The following FAT1 variants were observed in gnomAD, a reference collection of about 807,000 sequenced individuals.
FAT1 encodes the protein FAT atypical cadherin 1, also known as protocadherin Fat 1.
FAT1 carries 171 observed loss-of-function variants against 329.8 expected under a neutral mutation model. That is an observed-to-expected ratio of 0.52 (90% CI 0.46 to 0.59). The LOEUF (loss-of-function observed/expected upper bound fraction) is 0.59, where lower values mean the gene tolerates loss of function less well. Ranked by LOEUF, FAT1 falls within the 20% of genes least tolerant of loss-of-function variation. The pLI is 0.00. For synonymous variants in FAT1, 2,233 were observed against 2,228.6 expected (o/e 1.00, Z -0.06); for missense variants, 5,672 against 5,774.4 (o/e 0.98, Z 0.57).
chr4:186,717,661 T>C (rs79087796), intron 1 of FAT1, among the ~76,000 whole-genome samples: 4,655 of 152,270 alleles, frequency 0.031, 235 homozygotes, highest in African/African-American at 0.11. Flanking sequence ...ACAGCCTCTA[T>C]ATAAAACCTA....
intron 3 of FAT1, among the ~76,000 whole-genome samples, chr4:186,656,932 T>A (rs1560970906): frequency 6.6e-6 from 1 of 152,056 alleles, no homozygotes; most frequent in African/African-American, 2.4e-5. Flanking sequence ...TAGCTGACCT[T>A]CCACTTCTAG....
chr4:186,686,243 C>CCA (rs1560991946), intron 2 of FAT1, among the ~76,000 whole-genome samples: 1 of 147,690 alleles, frequency 6.8e-6, no homozygotes, highest in East Asian at 2.0e-4. Context: ...TTTTCACCCC[C>CCA]CCCCGACATT....
At chr4:186,699,155 ATGC>A (rs1744178493) in intron 2 of FAT1, among the ~76,000 whole-genome samples, 1 of 152,240 alleles carries the variant, frequency 6.6e-6, no homozygotes, top group East Asian at 1.9e-4. Flanking sequence ...CTATAATTAC[ATGC>A]TGATGATGAT....
rs767601213 is a variant in FAT1, at chr4:186,709,722, G to A, written c.106C>T (p.His36Tyr). The stretch of plus-strand genomic sequence containing the variant: ...TGCACGGTGACGTTGTACTCGAGGT[G>A]TGTAAACTGCAGAGGAGTCTGTTCA... ...RLEQTPLQFTHLEYNVTVQEN... is the reference protein window; with the variant it reads ...RLEQTPLQFTYLEYNVTVQEN... The change falls in exon 2 of 27, where the codon CAC becomes TAC. Residue 36 changes from histidine to tyrosine, a missense_variant. Transcript: ENST00000441802. 2 of 1,613,922 alleles carry A rather than the reference G, an allele frequency of 1.2e-6. No individual in the cohort carries two copies. The highest frequency in any genetic ancestry group is 1.1e-5 in the South Asian group (1 of 91,062).
At chr4:186,715,288 A>T (rs1745160811) in intron 1 of FAT1, among the ~76,000 whole-genome samples, 1 of 143,672 alleles carries the variant, frequency 7.0e-6, no homozygotes, top group Non-Finnish European at 1.5e-5. Context: ...CTGGATTCCC[A>T]AACATGCAAT....
chr4:186,705,338 C>G (rs775569324), intron 2 of FAT1, among the ~76,000 whole-genome samples: 1 of 151,564 alleles, frequency 6.6e-6, no homozygotes, highest in Non-Finnish European at 1.5e-5. Context: ...ACTGAAGACT[C>G]TCTTGTTTTT....
intron 2 of FAT1, among the ~76,000 whole-genome samples, chr4:186,690,388 T>C (rs567215899): frequency 2.6e-5 from 4 of 152,290 alleles, no homozygotes; most frequent in African/African-American, 9.6e-5. Flanking sequence ...ACTTATTTCG[T>C]GTACGTCATT....
intron 2 of FAT1, among the ~76,000 whole-genome samples, chr4:186,694,831 G>A (rs887299691): frequency 2.6e-5 from 4 of 152,110 alleles, no homozygotes; most frequent in Non-Finnish European, 4.4e-5. Context: ...GCATGATGGC[G>A]GGTGCCTGTA....
intron 26 of FAT1, chr4:186,590,422 A>G (rs1448080077): frequency 1.0e-5 from 13 of 1,285,440 alleles, no homozygotes; most frequent in Non-Finnish European, 1.3e-5. Flanking sequence ...GGCAGAGTAG[A>G]AAAAAAAGAA....
chr4:186,709,684 T>C lies in FAT1; in HGVS notation c.144A>G (p.Ala48=), dbSNP rs2126705982. ...CAGGATGCCCCACATAAGTCTTAGC[T>C]GCAGAGTTCTCCTGCACGGTGACGT... ...EYNVTVQENS[A]AKTYVGHPVK... The change falls in exon 2 of 27, where the codon GCA becomes GCG. Residue 48 remains alanine (A), a synonymous_variant. Coordinates refer to ENST00000441802, the MANE Select transcript of FAT1 (RefSeq NM_005245.4). 1.9e-6 allele frequency: 3 copies of C among 1,614,000 alleles called. No individual in the cohort carries two copies. The highest frequency in any genetic ancestry group is 1.1e-5 in the South Asian group (1 of 91,082).
Position 186,707,690 on chromosome 4 carries a change from A to G in FAT1, c.2138T>C (p.Ile713Thr). Residue 713 changes from isoleucine (I) to threonine (T), a missense_variant, in exon 2 of 27, where the codon ATA (isoleucine) becomes ACA (threonine). Ile to Thr is a moderately conservative substitution (Grantham distance 89). This residue lies in a region of FAT1 where 3,966 missense variants were observed against 3,915.2 expected (regional missense o/e 1.01). Transcript: ENST00000441802. ...FFDSHSVNAHIPQFRSTLPTG... is the reference protein window; with the variant it reads ...FFDSHSVNAHTPQFRSTLPTG... ...CGGAAGAGTGCTTCTAAACTGCGGT[A>G]TGTGAGCATTGACAGAGTGAGAATC... 1 of 1,613,984 alleles carries G rather than the reference A, an allele frequency of 6.2e-7. No individual in the cohort carries two copies. The highest frequency in any genetic ancestry group is 8.5e-7 in the Non-Finnish European group (1 of 1,179,882).
intron 3 of FAT1, among the ~76,000 whole-genome samples, chr4:186,659,256 A>G (rs1742054824): frequency 6.6e-6 from 1 of 152,216 alleles, no homozygotes; most frequent in South Asian, 2.1e-4. Flanking sequence ...CGTTGTCCAC[A>G]CAACGACAAA....
In FAT1 at chr4:186,619,788, T is replaced by C. The variant is rs765674120; in HGVS notation, c.6798A>G (p.Glu2266=). The stretch of plus-strand genomic sequence containing the variant: ...CGTCTACTATGATGTCCACAAATAC[T>C]TCAGCATGAGCGCCCGTCAAGGAGT... ...ATDSLTGAHA[E]VFVDIIVDDI... The change falls in exon 10 of 27, where the codon GAA becomes GAG. Residue 2266 remains glutamate (E), a synonymous_variant. Coordinates refer to ENST00000441802, the MANE Select transcript of FAT1 (RefSeq NM_005245.4). The C allele has an allele frequency of 6.8e-6, 11 of 1,613,906 alleles. No individual in the cohort carries two copies. The highest frequency in any genetic ancestry group is 1.1e-5 in the South Asian group (1 of 91,086).
rs758197034 is a variant in FAT1, at chr4:186,707,155, G to A, written c.2673C>T (p.His891=). 1 of 1,613,960 alleles carries A rather than the reference G, an allele frequency of 6.2e-7. No homozygotes were observed. Among genetic ancestry groups the A allele is most frequent in the Non-Finnish European group, 8.5e-7 (1 of 1,179,890 alleles). The change falls in exon 2 of 27, where the codon CAC becomes CAT. Residue 891 remains histidine, a synonymous_variant. Transcript: ENST00000441802. ...RPLDRELQHE[H]SLKIEARDQA... is the part of the protein sequence containing the mutation. Reference sequence around the variant, plus strand: ...GGTCCCTGGCCTCAATCTTTAAGGAGTGCTCATGCTGCAGCTCTCGATCCA... The same window carrying A: ...GGTCCCTGGCCTCAATCTTTAAGGAATGCTCATGCTGCAGCTCTCGATCCA...
In FAT1 at chr4:186,636,832, T is replaced by C. The variant is rs779593241; in HGVS notation, c.3725A>G (p.Lys1242Arg). The C allele has an allele frequency of 9.9e-6, 16 of 1,613,898 alleles. No individual in the cohort carries two copies. The highest frequency in any genetic ancestry group is 2.2e-5 in the East Asian group (1 of 44,900). Reference sequence around the variant, plus strand: ...GTAGAACTTTTGCAGAAACTGAGGTTTGTTGTCATTTTCATCAAGGATTTT... The same window carrying C: ...GTAGAACTTTTGCAGAAACTGAGGTCTGTTGTCATTTTCATCAAGGATTTT... ...IVKILDENDN[K>R]PQFLQKFYKI... The change falls in exon 5 of 27, where the codon AAA becomes AGA. Residue 1242 changes from lysine to arginine, a missense_variant. Coordinates refer to ENST00000441802, the MANE Select transcript of FAT1 (RefSeq NM_005245.4).
rs150673648 is a variant in FAT1, at chr4:186,650,945, TC to T, written c.3581-11163del. On this transcript the variant is annotated intron_variant, in intron 3 of 26. Coordinates refer to ENST00000441802, the MANE Select transcript of FAT1 (RefSeq NM_005245.4). ...AAAACAGAGAGGGCAACACCACTGGTCCAGGGTCAACCAACTGCACGGAAAA... is the reference window on the plus strand; with the variant it reads ...AAAACAGAGAGGGCAACACCACTGGTCAGGGTCAACCAACTGCACGGAAAA... 1.7e-4 allele frequency among the ~76,000 whole-genome samples: 26 copies of T among 152,034 alleles called. No individual in the cohort carries two copies. In the East Asian group the frequency reaches 5.0e-3, roughly 29 times the overall value.
At chr4:186,701,297 A>C (rs896213597) in intron 2 of FAT1, among the ~76,000 whole-genome samples, 1 of 152,120 alleles carries the variant, frequency 6.6e-6, no homozygotes, top group East Asian at 1.9e-4. Context: ...ACACACACAC[A>C]AGATTTTTAT....
rs1311540006 is a variant in FAT1, at chr4:186,588,364, T to C, written c.*228A>G. 6 of 528,380 alleles carry C rather than the reference T, an allele frequency of 1.1e-5. No homozygotes were observed. Among genetic ancestry groups the C allele is most frequent in the African/African-American group, 7.5e-5 (4 of 53,132 alleles). 32.7% of individuals were successfully genotyped at this position (528,380 alleles called of 1,614,324 possible). Reference sequence around the variant, plus strand: ...GTTTGATTATTTTAACACAGACAGATGTAAATCCCAAAAGACGTTGGGAAA... The same window carrying C: ...GTTTGATTATTTTAACACAGACAGACGTAAATCCCAAAAGACGTTGGGAAA... On this transcript the variant is annotated 3_prime_UTR_variant, in exon 27 of 27. Transcript: ENST00000441802.
chr4:186,670,365 A>C (rs1742673940), intron 2 of FAT1, among the ~76,000 whole-genome samples: 1 of 152,166 alleles, frequency 6.6e-6, no homozygotes, highest in African/African-American at 2.4e-5. Context: ...ATATAATTTT[A>C]ACGATATTTT....
Sources: allele counts gnomAD v4.1 joint callset (sites outside exome capture counted in the v4.1 genomes callset), GRCh38; gene constraint gnomAD v4.1.1; regional missense constraint gnomAD v4.1.1; transcripts MANE v1.5; gene names NCBI Gene and HGNC (gene_info 2026-07-23, HGNC 2026-07-21).